The following ST6GALNAC3 variants were observed in gnomAD, a reference collection of about 807,000 sequenced individuals.
The protein encoded by ST6GALNAC3 is alpha-N-acetylgalactosaminide alpha-2,6-sialyltransferase 3.
Under a neutral mutation model 32.7 loss-of-function variants are expected in ST6GALNAC3, and 25 were observed. The observed-to-expected ratio is 0.76, with a 90% confidence interval of 0.56 to 1.07. The LOEUF (loss-of-function observed/expected upper bound fraction) is 1.07. Among genes scored for constraint, ST6GALNAC3 ranks in the 50% least tolerant of loss-of-function variants. The pLI is 0.00. For synonymous variants in ST6GALNAC3, 129 were observed against 133.1 expected (o/e 0.97, Z 0.21); for missense variants, 355 against 382.4 (o/e 0.93, Z 0.60).
chr1:76,521,053 T>A (rs1270708429), intron 3 of ST6GALNAC3, among the ~76,000 whole-genome samples: 2 of 152,066 alleles, frequency 1.3e-5, no homozygotes, highest in African/African-American at 4.8e-5. Context: ...TATCTTATTA[T>A]TTTTACATTT....
At chr1:76,522,439 C>A (rs1263761406) in intron 3 of ST6GALNAC3, among the ~76,000 whole-genome samples, 2 of 152,018 alleles carry the variant, frequency 1.3e-5, no homozygotes, top group Non-Finnish European at 2.9e-5. Flanking sequence ...GATGCAATTT[C>A]TCTTTCTCTC....
At chr1:76,286,252 A>G (rs1286821354) in intron 1 of ST6GALNAC3, among the ~76,000 whole-genome samples, 4 of 152,196 alleles carry the variant, frequency 2.6e-5, no homozygotes, top group Admixed American at 1.3e-4. Context: ...AGCTATGACT[A>G]TTGTCTAGAA....
At chr1:76,592,536 A>G (rs1428220669) in intron 3 of ST6GALNAC3, among the ~76,000 whole-genome samples, 1 of 151,946 alleles carries the variant, frequency 6.6e-6, no homozygotes, top group Non-Finnish European at 1.5e-5. Context: ...TCTTATACAG[A>G]TTTGGGAATC....
chr1:76,093,407 G>A (rs532055990), intron 1 of ST6GALNAC3, among the ~76,000 whole-genome samples: 34 of 152,268 alleles, frequency 2.2e-4, no homozygotes, highest in African/African-American at 7.7e-4. Flanking sequence ...TTTTCATCAC[G>A]TTGGCAAGAA....
rs1656263837 is a variant in ST6GALNAC3 at position 76,229,758 on chromosome 1, A to G, written c.19-84047A>G. On this transcript the variant is annotated intron_variant, in intron 1 of 4. Coordinates refer to ENST00000328299, the MANE Select transcript of ST6GALNAC3 (RefSeq NM_152996.4). The stretch of plus-strand genomic sequence containing the variant: ...GCTGTGGCTGACCTGTGAGAGATGC[A>G]GCCTTGCTCCCACTTGCTGTTCCAC... Among the ~76,000 whole-genome samples, 6 of 152,144 alleles carry G rather than the reference A, an allele frequency of 3.9e-5. No individual in the cohort carries two copies. In the South Asian group the frequency reaches 1.2e-3, roughly 31 times the overall value.
chr1:76,391,214 A>G (rs1315532640), intron 2 of ST6GALNAC3, among the ~76,000 whole-genome samples: 1 of 152,170 alleles, frequency 6.6e-6, no homozygotes, highest in Non-Finnish European at 1.5e-5. Flanking sequence ...TGCTAGGATT[A>G]CAGGCTTGAG....
chr1:76,607,191 C>T (rs1200998023), intron 3 of ST6GALNAC3, among the ~76,000 whole-genome samples: 1 of 152,174 alleles, frequency 6.6e-6, no homozygotes, highest in Non-Finnish European at 1.5e-5. Flanking sequence ...TGGAAGAGAT[C>T]CAAGGGCAAA....
At chr1:76,194,655 T>A (rs1654093585) in intron 1 of ST6GALNAC3, among the ~76,000 whole-genome samples, 1 of 152,168 alleles carries the variant, frequency 6.6e-6, no homozygotes, top group South Asian at 2.1e-4. Context: ...GCTTCTGGAT[T>A]TACTCTGTTG....
chr1:76,335,563 C>T (rs1213588517), intron 2 of ST6GALNAC3, among the ~76,000 whole-genome samples: 1 of 152,190 alleles, frequency 6.6e-6, no homozygotes, highest in Non-Finnish European at 1.5e-5. Flanking sequence ...CCCACACAGA[C>T]ATGGGGAGAA....
chr1:76,574,828 G>T (rs1238241883), intron 3 of ST6GALNAC3, among the ~76,000 whole-genome samples: 1 of 152,044 alleles, frequency 6.6e-6, no homozygotes, highest in Admixed American at 6.6e-5. Context: ...GGTTGTTAGG[G>T]GATATGGCTT....
chr1:76,557,074 C>G (rs2100404085), intron 3 of ST6GALNAC3, among the ~76,000 whole-genome samples: 1 of 151,966 alleles, frequency 6.6e-6, no homozygotes, highest in Middle Eastern at 3.4e-3. Flanking sequence ...TCTAACTTCA[C>G]TTTTTTTGCA....
chr1:76,514,655 T>C (rs1571481190), intron 3 of ST6GALNAC3, among the ~76,000 whole-genome samples: 1 of 152,184 alleles, frequency 6.6e-6, no homozygotes, highest in Non-Finnish European at 1.5e-5. Context: ...TTCCCTGCCA[T>C]GTTGTGACGC....
chr1:76,335,085 A>G (rs1289785382), intron 2 of ST6GALNAC3, among the ~76,000 whole-genome samples: 7 of 152,196 alleles, frequency 4.6e-5, no homozygotes, highest in Non-Finnish European at 1.0e-4. Context: ...CCAATTTTTG[A>G]TGAATACGTG....
chr1:76,192,178 G>A (rs79662043), intron 1 of ST6GALNAC3, among the ~76,000 whole-genome samples: 3,664 of 152,292 alleles, frequency 0.024, 66 homozygotes, highest in Non-Finnish European at 0.036. Flanking sequence ...GATATAAAAT[G>A]TGGGACTGTT....
intron 2 of ST6GALNAC3, among the ~76,000 whole-genome samples, chr1:76,409,834 G>A (rs1267752187): frequency 1.3e-5 from 2 of 152,064 alleles, no homozygotes; most frequent in Non-Finnish European, 2.9e-5. Flanking sequence ...AAATCATTTT[G>A]TCCATTCTTT....
At chr1:76,492,626 T>C (rs1660570364) in intron 3 of ST6GALNAC3, among the ~76,000 whole-genome samples, 1 of 152,116 alleles carries the variant, frequency 6.6e-6, no homozygotes, top group Non-Finnish European at 1.5e-5. Flanking sequence ...AGTACAAGGA[T>C]GTAGATGCAC....
At chr1:76,591,276 TTCCTCTGG>T (rs1163466782) in intron 3 of ST6GALNAC3, among the ~76,000 whole-genome samples, 1 of 152,062 alleles carries the variant, frequency 6.6e-6, no homozygotes, top group Non-Finnish European at 1.5e-5. Flanking sequence ...ATACCCAGGT[TTCCTCTGG>T]AAATTCACCA....
intron 3 of ST6GALNAC3, among the ~76,000 whole-genome samples, chr1:76,437,703 G>T (rs1170026219): frequency 6.6e-6 from 1 of 151,122 alleles, no homozygotes; most frequent in Non-Finnish European, 1.5e-5. Context: ...TCAGCCTCCT[G>T]AGTAGCTGGG....
intron 1 of ST6GALNAC3, among the ~76,000 whole-genome samples, chr1:76,173,550 C>T: frequency 6.6e-6 from 1 of 152,132 alleles, no homozygotes; most frequent in East Asian, 1.9e-4. Flanking sequence ...GAACAGGCAA[C>T]CTACAGAATG....
Sources: gnomAD v4.1 joint callset for allele counts (sites outside exome capture counted in the v4.1 genomes callset) on GRCh38, gnomAD v4.1.1 for gene constraint, MANE v1.5 for transcripts, NCBI Gene and HGNC (gene_info 2026-07-23, HGNC 2026-07-21) for gene names.